GPR160: variants seen among roughly 807,000 people sequenced by gnomAD.
The protein encoded by GPR160 is G protein-coupled receptor 160, also known as probable G protein-coupled receptor 160.
In GPR160, 2 loss-of-function variants were observed where a neutral mutation model predicts 2.6. The observed-to-expected ratio is 0.77, with a 90% CI of 0.32 to 2.44. The LOEUF (loss-of-function observed/expected upper bound fraction) is 2.44, where lower values mean the gene tolerates loss of function less well. Among genes scored for constraint, GPR160 ranks in the 30% most tolerant of loss-of-function variants. The probability of loss-of-function intolerance (pLI) is 0.11; values close to 1 mark genes in which losing one functional copy is unlikely to be tolerated. For missense variants in GPR160, 351 were observed against 383.6 expected, an observed-to-expected ratio of 0.91 and a Z score of 0.71; for synonymous variants, 130 against 132.2, an observed-to-expected ratio of 0.98 and a Z score of 0.12.
At chr3:170,060,624 C>G (rs555797374) in intron 2 of GPR160, among the ~76,000 whole-genome samples, 47 of 152,108 alleles carry the variant, frequency 3.1e-4, no homozygotes, top group African/African-American at 1.1e-3. Context: ...AAAAAATTAA[C>G]TGGGCATGGT....
At chr3:170,051,153 A>G (rs73028689) in intron 2 of GPR160, among the ~76,000 whole-genome samples, 4,195 of 152,304 alleles carry the variant, frequency 0.028, 180 homozygotes, top group African/African-American at 0.096. Context: ...TAGATATTCC[A>G]AAGGGTATAT....
chr3:170,051,978 T>C (rs576374799), intron 2 of GPR160, among the ~76,000 whole-genome samples: 1 of 152,162 alleles, frequency 6.6e-6, no homozygotes, highest in Non-Finnish European at 1.5e-5. Context: ...CAGGCTGGAG[T>C]GCAGTGGCGC....
chr3:170,047,725 A>T (rs1716783839), intron 2 of GPR160, among the ~76,000 whole-genome samples: 1 of 139,868 alleles, frequency 7.1e-6, no homozygotes, highest in Non-Finnish European at 1.5e-5. Flanking sequence ...ACATACATAT[A>T]TACACATCAC....
chr3:170,071,731 G>A (rs1052185697), intron 2 of GPR160, among the ~76,000 whole-genome samples: 3 of 152,202 alleles, frequency 2.0e-5, no homozygotes, highest in African/African-American at 7.2e-5. Flanking sequence ...AGAAGGCAGA[G>A]ATGGCAGTGA....
intron 2 of GPR160, chr3:170,063,245 G>C (rs1265701958): frequency 6.6e-6 from 1 of 150,816 alleles, no homozygotes; most frequent in Non-Finnish European, 1.5e-5. Flanking sequence ...CAAAAACTCA[G>C]CACACAGGCC....
chr3:170,078,751 A>T (rs1410803628), intron 2 of GPR160, among the ~76,000 whole-genome samples: 1 of 152,220 alleles, frequency 6.6e-6, no homozygotes, highest in Non-Finnish European at 1.5e-5. Context: ...ACGAGCTGTA[A>T]CTACTGCGCC....
At position 170,084,553 on chromosome 3, in the gene GPR160, T is replaced by C. The variant is rs1354540743; in HGVS notation, c.581T>C (p.Phe194Ser). 8 of 1,612,642 alleles carry C rather than the reference T, an allele frequency of 5.0e-6. No homozygotes were observed. The highest frequency in any genetic ancestry group is 1.1e-5 in the South Asian group (1 of 91,062). ...WLSFFMVMIL[F>S]VAFITCWEEV... ...TCATTTTTCATGGTGATGATTTTAT[T>C]TGTAGCTTTCATAACCTGTTGGGAA... The change falls in exon 4 of 4, where the codon TTT becomes TCT. Residue 194 changes from phenylalanine (F) to serine (S), a missense_variant. Phe to Ser is a radical substitution (Grantham distance 155). Coordinates refer to ENST00000355897, the MANE Select transcript of GPR160 (RefSeq NM_014373.3).
chr3:170,064,517 T>TC (rs1712199732), intron 2 of GPR160, among the ~76,000 whole-genome samples: 1 of 125,282 alleles, frequency 8.0e-6, no homozygotes, highest in African/African-American at 3.5e-5. Context: ...TTCTTTTCTT[T>TC]TTTTTTTTTT....
chr3:170,066,147 T>C (rs1190623650), intron 2 of GPR160, among the ~76,000 whole-genome samples: 23 of 127,486 alleles, frequency 1.8e-4, no homozygotes, highest in African/African-American at 7.0e-4. Flanking sequence ...TTTTTTTTTT[T>C]TTTTTTTTTT....
At chr3:170,067,477 A>G (rs544056527) in intron 2 of GPR160, among the ~76,000 whole-genome samples, 171 of 152,062 alleles carry the variant, frequency 1.1e-3, no homozygotes, top group African/African-American at 4.0e-3. Context: ...TTAATATTTT[A>G]CCATTTTTTT....
chr3:170,078,534 A>G (rs964095305), intron 2 of GPR160, among the ~76,000 whole-genome samples: 5 of 152,204 alleles, frequency 3.3e-5, no homozygotes, highest in African/African-American at 9.6e-5. Flanking sequence ...CAACACTTAC[A>G]AAGAGATAAG....
intron 2 of GPR160, among the ~76,000 whole-genome samples, chr3:170,058,592 C>T (rs1711767883): frequency 6.6e-6 from 1 of 152,050 alleles, no homozygotes; most frequent in South Asian, 2.1e-4. Context: ...CTAGTTAAAC[C>T]GTCATTCAAA....
chr3:170,069,971 T>C (rs1712513075), intron 2 of GPR160, among the ~76,000 whole-genome samples: 1 of 152,050 alleles, frequency 6.6e-6, no homozygotes, highest in African/African-American at 2.4e-5. Flanking sequence ...CAGCCTTTTC[T>C]CTGTGTACCA....
At chr3:170,051,686 C>G (rs900606836) in intron 2 of GPR160, among the ~76,000 whole-genome samples, 1 of 152,130 alleles carries the variant, frequency 6.6e-6, no homozygotes, top group African/African-American at 2.4e-5. Context: ...GATCGTACCA[C>G]TGCACTCCAG....
chr3:170,081,871 C>G (rs931287783), intron 3 of GPR160, among the ~76,000 whole-genome samples: 12 of 152,146 alleles, frequency 7.9e-5, no homozygotes, highest in African/African-American at 2.9e-4. Flanking sequence ...TGATGGACTC[C>G]AACTCCATCC....
intron 2 of GPR160, chr3:170,077,247 G>T (rs1712900435): frequency 6.6e-6 from 1 of 152,030 alleles, no homozygotes; most frequent in Non-Finnish European, 1.5e-5. Context: ...AACGCACATG[G>T]TTTTTTTAAA....
chr3:170,051,421 C>T (rs751618337), intron 2 of GPR160, among the ~76,000 whole-genome samples: 1 of 152,146 alleles, frequency 6.6e-6, no homozygotes, highest in Admixed American at 6.5e-5. Flanking sequence ...GATGCAAATT[C>T]TTTATCAAAT....
At chr3:170,051,672 C>T (rs564675915) in intron 2 of GPR160, among the ~76,000 whole-genome samples, 1 of 152,166 alleles carries the variant, frequency 6.6e-6, no homozygotes, top group East Asian at 1.9e-4. Flanking sequence ...TTGCAGTGAC[C>T]CAGGATCGTA....
intron 2 of GPR160, among the ~76,000 whole-genome samples, chr3:170,053,384 T>C (rs1392542227): frequency 6.6e-6 from 1 of 152,166 alleles, no homozygotes. Flanking sequence ...TTGAGTCTAT[T>C]GGAAATGATA....
Sources: allele counts gnomAD v4.1 joint callset (sites outside exome capture counted in the v4.1 genomes callset), GRCh38; gene constraint gnomAD v4.1.1; transcripts MANE v1.5; gene names NCBI Gene and HGNC (gene_info 2026-07-23, HGNC 2026-07-21).